Variants in SS18 observed in about 807,000 individuals in gnomAD.
SS18 encodes SS18 subunit of BAF chromatin remodeling complex, also known as protein SSXT.
In SS18, 28 loss-of-function variants were observed where a neutral mutation model predicts 72.5. The ratio of observed to expected loss-of-function variants is 0.39; its 90% CI spans 0.29 to 0.53. SS18 has a LOEUF of 0.53. Among genes scored for constraint, SS18 ranks in the 20% least tolerant of loss-of-function variants. The pLI, the probability that SS18 is intolerant of heterozygous loss-of-function variation, is 0.76. For synonymous variants in SS18, 172 were observed against 164.2 expected, an observed-to-expected ratio of 1.05 and a Z score of -0.37; for missense variants, 518 against 535.3, an observed-to-expected ratio of 0.97 and a Z score of 0.32.
At chr18:26,021,089 T>C (rs796607424) in intron 10 of SS18, among the ~76,000 whole-genome samples, 1 of 152,172 alleles carries the variant, frequency 6.6e-6, no homozygotes, top group African/African-American at 2.4e-5. Flanking sequence ...TTGATCACAA[T>C]GCTAGGACCA....
At chr18:26,090,451 T>G in intron 1 of SS18, 50 bp downstream of exon 1, 3 of 1,531,556 alleles carry the variant, frequency 2.0e-6, no homozygotes, top group Non-Finnish European at 2.7e-6. Flanking sequence ...CGCGTCTGTC[T>G]CTCCCAGAGG....
intron 1 of SS18, among the ~76,000 whole-genome samples, chr18:26,089,203 T>C (rs1268344867): frequency 2.6e-5 from 4 of 152,198 alleles, no homozygotes; most frequent in East Asian, 1.9e-4. Context: ...TTCAGACTTA[T>C]GTAACAGAAA....
At position 26,016,566 on chromosome 18, in the gene SS18, T is replaced by C. The variant is rs2053255790; in HGVS notation, c.*1788A>G. 1 of 182,316 alleles carries C rather than the reference T, an allele frequency of 5.5e-6. No homozygotes were observed. Among genetic ancestry groups the C allele is most frequent in the Non-Finnish European group, 1.2e-5 (1 of 85,656 alleles). 11.3% of individuals were successfully genotyped at this position (182,316 alleles called of 1,614,324 possible). A position where few individuals can be genotyped will look rare whatever the true frequency, so the allele number is the denominator to read the frequency against. On this transcript the variant is annotated 3_prime_UTR_variant, in exon 11 of 11. Transcript: ENST00000415083. The stretch of plus-strand genomic sequence containing the variant: ...GGCGAAACCTCGTCTCTACTAAAAG[T>C]ACAAAAATTAGCTGGGTGTGGTGGC...
At chr18:26,034,295 G>C (rs2053592049) in intron 9 of SS18, among the ~76,000 whole-genome samples, 1 of 152,142 alleles carries the variant, frequency 6.6e-6, no homozygotes. Context: ...GTATTCATAA[G>C]CAGCTACTTT....
chr18:26,062,163 A>C (rs2054135267), intron 3 of SS18, among the ~76,000 whole-genome samples: 1 of 152,300 alleles, frequency 6.6e-6, no homozygotes, highest in South Asian at 2.1e-4. Flanking sequence ...CGAGAGGCTG[A>C]GACAGGAGAG....
intron 2 of SS18, among the ~76,000 whole-genome samples, chr18:26,082,881 TA>T (rs936382207): frequency 9.2e-5 from 14 of 151,560 alleles, no homozygotes; most frequent in African/African-American, 1.7e-4. Context: ...ATTTTTAATT[TA>T]AAAAAAAACA....
chr18:26,053,318 T>A (rs1255619378), intron 4 of SS18, among the ~76,000 whole-genome samples: 1 of 150,542 alleles, frequency 6.6e-6, no homozygotes, highest in Non-Finnish European at 1.5e-5. Flanking sequence ...TGGATCACTA[T>A]CTCATTTGTT....
At chr18:26,034,862 C>A (rs533861665) in intron 9 of SS18, 143 bp downstream of exon 9, 8 of 1,101,888 alleles carry the variant, frequency 7.3e-6, no homozygotes, top group Middle Eastern at 3.2e-4. Context: ...ACATTTTAAA[C>A]CAACATTTTA....
At chr18:26,060,803 A>AAT (rs2054108432) in intron 3 of SS18, among the ~76,000 whole-genome samples, 1 of 137,914 alleles carries the variant, frequency 7.3e-6, no homozygotes, top group Non-Finnish European at 1.5e-5. Context: ...AAAAAAAAAA[A>AAT]AAATCAGCCA....
At chr18:26,055,731 T>C (rs993226021) in intron 4 of SS18, among the ~76,000 whole-genome samples, 9 of 151,806 alleles carry the variant, frequency 5.9e-5, no homozygotes, top group African/African-American at 1.7e-4. Context: ...CCGTAACTAT[T>C]GTTAGGAGAA....
intron 7 of SS18, 105 bp downstream of exon 7, chr18:26,038,450 A>T: frequency 9.7e-7 from 1 of 1,031,418 alleles, no homozygotes; most frequent in Non-Finnish European, 1.5e-6. Flanking sequence ...TTTAGAGGAA[A>T]CAAATTGTTA....
intron 10 of SS18, among the ~76,000 whole-genome samples, chr18:26,028,671 A>G (rs1316084821): frequency 6.6e-6 from 1 of 152,214 alleles, no homozygotes; most frequent in Non-Finnish European, 1.5e-5. Context: ...AGAACATACT[A>G]TATTATTCAA....
chr18:26,041,104 T>C (rs2053715291), intron 5 of SS18, among the ~76,000 whole-genome samples: 1 of 152,192 alleles, frequency 6.6e-6, no homozygotes, highest in Non-Finnish European at 1.5e-5. Flanking sequence ...CTATTTTTCA[T>C]TGCCTCTATT....
At chr18:26,059,042 T>C (rs2054074103) in intron 3 of SS18, among the ~76,000 whole-genome samples, 1 of 152,210 alleles carries the variant, frequency 6.6e-6, no homozygotes, top group Admixed American at 6.5e-5. Context: ...AATTTTCTGT[T>C]AAAAATTCAT....
At chr18:26,075,641 C>G (rs2054398416) in intron 3 of SS18, among the ~76,000 whole-genome samples, 1 of 151,892 alleles carries the variant, frequency 6.6e-6, no homozygotes, top group African/African-American at 2.4e-5. Flanking sequence ...AATGGTCAAA[C>G]AGTGAAAGCT....
At chr18:26,053,862 T>C (rs2053966057) in intron 4 of SS18, among the ~76,000 whole-genome samples, 1 of 152,320 alleles carries the variant, frequency 6.6e-6, no homozygotes, top group African/African-American at 2.4e-5. Flanking sequence ...ATCTTACTTA[T>C]ATTTCATGGG....
In SS18 at chr18:26,057,529, C is replaced by G. The variant is rs1448888878; in HGVS notation, c.385+60G>C. ...CAACAATCTAGTATCCCTTGAGCCC[C>G]CATGTCGTTTCAGTTGCTAAGCAAC... is the stretch of plus-strand genomic sequence containing the variant. On this transcript the variant is annotated intron_variant, in intron 4 of 10. Transcript: ENST00000415083. 3.8e-6 allele frequency: 6 copies of G among 1,597,732 alleles called. No individual in the cohort carries two copies. The African/African-American group carries it at 8.0e-5, about 21-fold the overall frequency.
At chr18:26,060,012 C>T (rs2054091067) in intron 3 of SS18, among the ~76,000 whole-genome samples, 1 of 152,164 alleles carries the variant, frequency 6.6e-6, no homozygotes, top group African/African-American at 2.4e-5. Flanking sequence ...AGAACTTAAA[C>T]AGTTACCATA....
intron 3 of SS18, among the ~76,000 whole-genome samples, chr18:26,062,078 T>G (rs2054133921): frequency 6.6e-6 from 1 of 151,972 alleles, no homozygotes; most frequent in South Asian, 2.1e-4. Context: ...CTGGCCAACA[T>G]GATGAAACCC....
Sources: gnomAD v4.1 joint callset for allele counts (sites outside exome capture counted in the v4.1 genomes callset) on GRCh38, gnomAD v4.1.1 for gene constraint, MANE v1.5 for transcripts, NCBI Gene and HGNC (gene_info 2026-07-23, HGNC 2026-07-21) for gene names.